The following NEGR1 variants were observed in gnomAD, a reference collection of about 807,000 sequenced individuals.
NEGR1 encodes IgLON family member 4.
Under a neutral mutation model 40.9 loss-of-function variants are expected in NEGR1, and 10 were observed. The ratio of observed to expected loss-of-function variants is 0.24; its 90% CI spans 0.15 to 0.42. NEGR1 has a LOEUF of 0.42. Ranked by LOEUF, NEGR1 falls within the 10% of genes least tolerant of loss-of-function variation. The probability of loss-of-function intolerance (pLI) is 1.00; values close to 1 mark genes in which losing one functional copy is unlikely to be tolerated. For synonymous variants in NEGR1, 185 were observed against 166.8 expected (o/e 1.11, Z -0.84); for missense variants, 352 against 438.9 (o/e 0.80, Z 1.77).
At chr1:71,680,923 T>C (rs11209820) in intron 4 of NEGR1, among the ~76,000 whole-genome samples, 149,778 of 152,322 alleles carry the variant, frequency 0.98, 73,677 homozygotes, top group Middle Eastern at 1. Flanking sequence ...TATAGGGCAG[T>C]GAATGCTGCA....
At chr1:72,080,276 T>C (rs921187907) in intron 1 of NEGR1, among the ~76,000 whole-genome samples, 1 of 152,124 alleles carries the variant, frequency 6.6e-6, no homozygotes, top group Non-Finnish European at 1.5e-5. Flanking sequence ...TATAGGCTTA[T>C]AGTATTTTGA....
intron 1 of NEGR1, among the ~76,000 whole-genome samples, chr1:72,266,953 G>A (rs888015618): frequency 3.3e-5 from 5 of 150,974 alleles, no homozygotes; most frequent in South Asian, 4.1e-4. Flanking sequence ...GCATACCGGA[G>A]GGTAAAGAAG....
intron 5 of NEGR1, among the ~76,000 whole-genome samples, chr1:71,604,436 A>T (rs763760287): frequency 6.6e-6 from 1 of 152,072 alleles, no homozygotes; most frequent in South Asian, 2.1e-4. Flanking sequence ...AGGGGAGAAG[A>T]CCCACCCTCC....
chr1:71,751,948 A>C (rs904196962), intron 3 of NEGR1, among the ~76,000 whole-genome samples: 1 of 152,224 alleles, frequency 6.6e-6, no homozygotes, highest in African/African-American at 2.4e-5. Context: ...AATTTGCTGG[A>C]AATGTAGTGG....
intron 2 of NEGR1, among the ~76,000 whole-genome samples, chr1:71,810,534 C>T (rs1470933540): frequency 2.0e-5 from 3 of 152,032 alleles, no homozygotes; most frequent in African/African-American, 7.2e-5. Context: ...ACTGAAAGAG[C>T]AATATTGTTT....
Position 72,112,513 on chromosome 1 carries a change from C to T in NEGR1, c.176+169806G>A, listed in dbSNP as rs114803397. Among the ~76,000 whole-genome samples the T allele has an allele frequency of 3.9e-3, 598 of 151,696 alleles. 6 individuals carry two copies. Among genetic ancestry groups the T allele is most frequent in the Non-Finnish European group, 6.2e-3 (420 of 67,806 alleles). ...CTGAAACAATGTATTATTTGTATGG[C>T]TTGACTAATATTATGATACATTTGT... On this transcript the variant is annotated intron_variant, in intron 1 of 6. Transcript: ENST00000357731.
At chr1:71,535,955 T>A (rs745656967) in intron 6 of NEGR1, among the ~76,000 whole-genome samples, 1 of 151,750 alleles carries the variant, frequency 6.6e-6, no homozygotes, top group Non-Finnish European at 1.5e-5. Flanking sequence ...AAAGACACTG[T>A]ACTTTATATA....
chr1:71,905,813 T>A (rs1661259114), intron 2 of NEGR1, among the ~76,000 whole-genome samples: 2 of 150,798 alleles, frequency 1.3e-5, no homozygotes, highest in South Asian at 4.2e-4. Context: ...GACAGGAACA[T>A]TAAAATTCAC....
chr1:71,458,302 T>C (rs1023127729), intron 6 of NEGR1, among the ~76,000 whole-genome samples: 1 of 152,194 alleles, frequency 6.6e-6, no homozygotes, highest in African/African-American at 2.4e-5. Flanking sequence ...TAAACTCTTA[T>C]TATACATACC....
At chr1:71,989,063 C>T (rs1253968968) in intron 1 of NEGR1, among the ~76,000 whole-genome samples, 1 of 151,412 alleles carries the variant, frequency 6.6e-6, no homozygotes, top group African/African-American at 2.4e-5. Flanking sequence ...ATGTTTTTTT[C>T]CACTGAGACT....
Position 71,492,605 on chromosome 1 carries a change from T to C in NEGR1, c.941-85035A>G, listed in dbSNP as rs796463265. On this transcript the variant is annotated intron_variant, in intron 6 of 6. Transcript: ENST00000357731. ...TTGTTATTTTTTTCTCAGTTTTATA[T>C]TGAGTTTTATACACACGGATTTGAC... Among the ~76,000 whole-genome samples the C allele has an allele frequency of 3.9e-5, 6 of 152,246 alleles. No individual in the cohort carries two copies. The South Asian group carries it at 1.2e-3, about 32-fold the overall frequency.
intron 1 of NEGR1, among the ~76,000 whole-genome samples, chr1:72,148,203 C>A (rs1650982425): frequency 6.6e-6 from 1 of 152,292 alleles, no homozygotes; most frequent in East Asian, 1.9e-4. Context: ...TTTGCCTGGG[C>A]ATCCAGGCAT....
At chr1:72,016,512 G>A (rs1188796298) in intron 1 of NEGR1, among the ~76,000 whole-genome samples, 2 of 152,134 alleles carry the variant, frequency 1.3e-5, no homozygotes, top group Non-Finnish European at 1.5e-5. Context: ...ATAAAGATGG[G>A]AAATAGACTG....
intron 6 of NEGR1, among the ~76,000 whole-genome samples, chr1:71,558,735 T>A (rs1164281590): frequency 6.7e-6 from 1 of 149,388 alleles, no homozygotes; most frequent in African/African-American, 2.4e-5. Context: ...TTTTTTTTTT[T>A]TTTTTAGCAC....
At chr1:72,018,263 C>G (rs1441624450) in intron 1 of NEGR1, among the ~76,000 whole-genome samples, 1 of 152,060 alleles carries the variant, frequency 6.6e-6, no homozygotes, top group Non-Finnish European at 1.5e-5. Flanking sequence ...ACTAGAAATA[C>G]AGCAGTGAGC....
chr1:71,707,510 G>T (rs1453662095), intron 3 of NEGR1, among the ~76,000 whole-genome samples: 1 of 152,152 alleles, frequency 6.6e-6, no homozygotes, highest in African/African-American at 2.4e-5. Context: ...TACTTCTAAG[G>T]TTTCTGACTC....
intron 1 of NEGR1, among the ~76,000 whole-genome samples, chr1:72,052,327 G>A (rs1647069626): frequency 6.6e-6 from 1 of 151,380 alleles, no homozygotes; most frequent in African/African-American, 2.4e-5. Flanking sequence ...AACACAGGCT[G>A]CATAATTCTG....
At chr1:71,878,865 A>G (rs1365113834) in intron 2 of NEGR1, among the ~76,000 whole-genome samples, 1 of 152,232 alleles carries the variant, frequency 6.6e-6, no homozygotes, top group South Asian at 2.1e-4. Flanking sequence ...GATGAAATAA[A>G]TAACTGTTCC....
At chr1:71,757,971 T>C (rs1037332846) in intron 3 of NEGR1, among the ~76,000 whole-genome samples, 1 of 151,286 alleles carries the variant, frequency 6.6e-6, no homozygotes, top group African/African-American at 2.4e-5. Flanking sequence ...TTTGGATGAG[T>C]TTTTTTTTAA....
Sources: gnomAD v4.1 joint callset for allele counts (sites outside exome capture counted in the v4.1 genomes callset) on GRCh38, gnomAD v4.1.1 for gene constraint, MANE v1.5 for transcripts, NCBI Gene and HGNC (gene_info 2026-07-23, HGNC 2026-07-21) for gene names.